Variants in VPS13C observed in about 807,000 individuals in gnomAD.
VPS13C encodes vacuolar protein sorting 13 homolog C.
Under a neutral mutation model 456.8 loss-of-function variants are expected in VPS13C, and 358 were observed. The observed-to-expected ratio is 0.78, with a 90% CI of 0.72 to 0.86. VPS13C has a LOEUF of 0.86. Among genes scored for constraint, VPS13C ranks in the 40% least tolerant of loss-of-function variants. VPS13C has a pLI of 0.00. For missense variants in VPS13C, 4,818 were observed against 4,385.4 expected, an observed-to-expected ratio of 1.10 and a Z score of -2.79; for synonymous variants, 1,578 against 1,486.7, an observed-to-expected ratio of 1.06 and a Z score of -1.41.
At chr15:61,949,733 G>C in intron 41 of VPS13C, 128 bp from the exon 42 acceptor site, 1 of 806,086 alleles carries the variant, frequency 1.2e-6, no homozygotes, top group Non-Finnish European at 1.8e-6. Flanking sequence ...ATTTTTTTAA[G>C]AACTCACTAT....
chr15:61,874,565 T>C (rs930022528), intron 77 of VPS13C, among the ~76,000 whole-genome samples: 11 of 152,034 alleles, frequency 7.2e-5, no homozygotes, highest in Admixed American at 2.6e-4. Context: ...TTTAAACTAA[T>C]AGGTGCTTAA....
chr15:61,893,320 GACA>G (rs2042707947), intron 66 of VPS13C, among the ~76,000 whole-genome samples: 1 of 152,118 alleles, frequency 6.6e-6, no homozygotes, highest in South Asian at 2.1e-4. Flanking sequence ...GAGGCAGTGG[GACA>G]ACATACTCAA....
At chr15:61,900,555 A>T (rs1218784383) in intron 66 of VPS13C, among the ~76,000 whole-genome samples, 1 of 152,038 alleles carries the variant, frequency 6.6e-6, no homozygotes, top group Non-Finnish European at 1.5e-5. Flanking sequence ...CTTACAAGGG[A>T]TGTGAAGGAC....
Position 61,962,397 on chromosome 15 carries a change from G to T in VPS13C, c.3577C>A (p.Leu1193Ile). 2 of 1,593,536 alleles carry T rather than the reference G, an allele frequency of 1.3e-6. No homozygotes were observed. Among genetic ancestry groups the T allele is most frequent in the Non-Finnish European group, 8.6e-7 (1 of 1,169,188 alleles). The stretch of plus-strand genomic sequence containing the variant: ...AGAAGTGACATAAGGAATTTATGAA[G>T]ATAGACAATCTGAATACAGCCAACA... ...LNVGCIQIVY[L>I]HKFLMSLLNF... is the part of the protein sequence containing the mutation. The change falls in exon 34 of 85, where the codon CTT becomes ATT. Residue 1193 changes from leucine (L) to isoleucine (I), a missense_variant. Physicochemically the swap from Leu to Ile is conservative, Grantham distance 5 (BLOSUM62 2). Coordinates refer to ENST00000644861, the MANE Select transcript of VPS13C (RefSeq NM_020821.3).
At chr15:61,985,133 G>T in intron 18 of VPS13C, 134 bp from the exon 19 acceptor site, 1 of 625,826 alleles carries the variant, frequency 1.6e-6, no homozygotes, top group Non-Finnish European at 2.4e-6. Flanking sequence ...GCATCCACAT[G>T]CTCACCATAA....
chr15:62,030,686 T>C (rs1452763780), intron 5 of VPS13C, among the ~76,000 whole-genome samples: 2 of 152,044 alleles, frequency 1.3e-5, no homozygotes. Flanking sequence ...ATTCATATTA[T>C]GAGAAAATGG....
rs1894856123 is a variant in VPS13C, at chr15:61,869,503, T to C, written c.10745A>G (p.Gln3582Arg). 3 of 1,613,964 alleles carry C rather than the reference T, an allele frequency of 1.9e-6. No individual in the cohort carries two copies. Among genetic ancestry groups the C allele is most frequent in the African/African-American group, 1.3e-5 (1 of 74,912 alleles). Residue 3582 changes from glutamine (Q) to arginine (R), a missense_variant, in exon 80 of 85, where the codon CAG (glutamine) becomes CGG (arginine). Coordinates refer to ENST00000644861, the MANE Select transcript of VPS13C (RefSeq NM_020821.3). ...CACATAGTATGTACTCAATTACCTC[T>C]GAATGCCTTGGAAGGTACTACTGGC... is the stretch of plus-strand genomic sequence containing the variant. ...DMASSTFQGI[Q>R]RAAESTEEVS...
At position 61,936,603 on chromosome 15, in the gene VPS13C, G is replaced by T; in HGVS notation, c.5749C>A (p.Leu1917Ile). Residue 1917 changes from leucine to isoleucine, a missense_variant, in exon 48 of 85, where the codon CTC (leucine) becomes ATC (isoleucine). Physicochemically the swap from Leu to Ile is conservative, Grantham distance 5 (BLOSUM62 2). Coordinates refer to ENST00000644861, the MANE Select transcript of VPS13C (RefSeq NM_020821.3). ...KVDVSSVPDH[L>I]KEQEDWTDSK... ...AAATATCATCAATTTATACCTTTGAGATGGTCAGGTACACTTGAAACATCA... is the reference window on the plus strand; with the variant it reads ...AAATATCATCAATTTATACCTTTGATATGGTCAGGTACACTTGAAACATCA... 1 of 1,556,936 alleles carries T rather than the reference G, an allele frequency of 6.4e-7. No homozygotes were observed. The highest frequency in any genetic ancestry group is 1.2e-5 in the South Asian group (1 of 80,840).
At chr15:61,904,507 G>A (rs992117387) in intron 66 of VPS13C, among the ~76,000 whole-genome samples, 4 of 151,376 alleles carry the variant, frequency 2.6e-5, no homozygotes, top group African/African-American at 9.7e-5. Context: ...AGAGATGCTG[G>A]CATGGAAGTG....
chr15:62,021,415 C>A (rs1393480923), intron 8 of VPS13C, among the ~76,000 whole-genome samples: 1 of 151,840 alleles, frequency 6.6e-6, no homozygotes, highest in Non-Finnish European at 1.5e-5. Context: ...TTTCTTTAGT[C>A]TCTATATCCA....
At chr15:61,985,118 T>G (rs1596425220) in intron 18 of VPS13C, 119 bp from the exon 19 acceptor site, 1 of 773,892 alleles carries the variant, frequency 1.3e-6, no homozygotes, top group Admixed American at 3.8e-5. Flanking sequence ...GCATGGCAGG[T>G]TCTGGCATCC....
intron 77 of VPS13C, 25 bp downstream of exon 77, chr15:61,874,851 A>C: frequency 6.5e-7 from 1 of 1,548,166 alleles, no homozygotes. Flanking sequence ...AAATATACAC[A>C]TATACACAAA....
intron 27 of VPS13C, among the ~76,000 whole-genome samples, chr15:61,971,164 G>A (rs2045539510): frequency 1.3e-5 from 2 of 152,206 alleles, no homozygotes; most frequent in African/African-American, 2.4e-5. Context: ...TGTAGGCCAT[G>A]GAAAGGACTT....
intron 26 of VPS13C, 39 bp downstream of exon 26, chr15:61,973,415 G>C: frequency 2.6e-6 from 4 of 1,510,646 alleles, no homozygotes; most frequent in Non-Finnish European, 3.7e-6. Context: ...CAATGTATAG[G>C]CTTAATTTAA....
In VPS13C at chr15:61,922,738, C is replaced by T. The variant is rs749763416; in HGVS notation, c.6634G>A (p.Val2212Met). ...GACAATGCAGCCATGATTGTCAACA[C>T]AGTATTAAGAATTATGGGTGAAATC... The part of the protein sequence containing the change: ...IKISPIILNT[V>M]LTIMAALSPK... Residue 2212 changes from valine to methionine, a missense_variant, in exon 54 of 85, where the codon GTG (valine) becomes ATG (methionine). This residue lies in a region of VPS13C where 4,552 missense variants were observed against 4,130.6 expected (regional missense o/e 1.10). Coordinates refer to ENST00000644861, the MANE Select transcript of VPS13C (RefSeq NM_020821.3). The T allele has an allele frequency of 1.6e-5, 26 of 1,605,538 alleles. No individual in the cohort carries two copies. The Admixed American group carries it at 2.6e-4, about 16-fold the overall frequency.
At position 61,904,064 on chromosome 15, in the gene VPS13C, C is replaced by A. The variant is rs12439330; in HGVS notation, c.9105+3200G>T. 2.0e-5 allele frequency among the ~76,000 whole-genome samples: 3 copies of A among 151,972 alleles called. No homozygotes were observed. In the South Asian group the frequency reaches 6.2e-4, roughly 32 times the overall value. On this transcript the variant is annotated intron_variant, in intron 66 of 84. Transcript: ENST00000644861. ...AACATTGGGGAAATGCTTTAGGACACTGGTCTAGGCAAAGACTTTGGATAA... is the reference window on the plus strand; with the variant it reads ...AACATTGGGGAAATGCTTTAGGACAATGGTCTAGGCAAAGACTTTGGATAA...
Position 61,951,947 on chromosome 15 carries a change from T to C in VPS13C, c.4333A>G (p.Lys1445Glu). 6.2e-7 allele frequency: 1 copy of C among 1,613,412 alleles called. No individual in the cohort carries two copies. Among genetic ancestry groups the C allele is most frequent in the African/African-American group, 1.3e-5 (1 of 75,006 alleles). The change falls in exon 39 of 85, where the codon AAA becomes GAA. Residue 1445 changes from lysine to glutamate, a missense_variant. Physicochemically the swap from Lys to Glu is moderately conservative, Grantham distance 56 (BLOSUM62 1). This residue lies in a region of VPS13C where 4,552 missense variants were observed against 4,130.6 expected (regional missense o/e 1.10). Coordinates refer to ENST00000644861, the MANE Select transcript of VPS13C (RefSeq NM_020821.3). Reference sequence around the variant, plus strand: ...TTTAGCTCATGTAAAGGCCTTCCTTTCTTTTCTGATTTTTTCATCAAAGTA... The same window carrying C: ...TTTAGCTCATGTAAAGGCCTTCCTTCCTTTTCTGATTTTTTCATCAAAGTA... ...VVTLMKKSEK[K>E]GRPLHELNVL...
chr15:62,008,023 A>G (rs1388761082), intron 14 of VPS13C, among the ~76,000 whole-genome samples: 2 of 151,998 alleles, frequency 1.3e-5, no homozygotes, highest in Non-Finnish European at 2.9e-5. Context: ...AGTAGATCAC[A>G]AGGTCAGGAG....
intron 48 of VPS13C, chr15:61,935,640 G>A (rs2044203432): frequency 6.6e-6 from 1 of 152,092 alleles, no homozygotes; most frequent in Non-Finnish European, 1.5e-5. Context: ...TTTTTATCTA[G>A]CATTTGTCTG....
Sources: allele counts gnomAD v4.1 joint callset (sites outside exome capture counted in the v4.1 genomes callset), GRCh38; gene constraint gnomAD v4.1.1; regional missense constraint gnomAD v4.1.1; transcripts MANE v1.5; gene names NCBI Gene and HGNC (gene_info 2026-07-23, HGNC 2026-07-21).